Variants in SIL1 observed in about 807,000 individuals in gnomAD.
SIL1 encodes the protein nucleotide exchange factor SIL1.
SIL1 carries 40 observed loss-of-function variants against 49.1 expected under a neutral mutation model. That is an observed-to-expected ratio of 0.81 (90% CI 0.63 to 1.06). The LOEUF (loss-of-function observed/expected upper bound fraction) is 1.06, where lower values mean the gene tolerates loss of function less well. SIL1 is among the 50% of genes least tolerant of loss of function. SIL1 has a pLI of 0.00. For missense variants in SIL1, 500 were observed against 572.6 expected (o/e 0.87, Z 1.29); for synonymous variants, 253 against 250.8 (o/e 1.01, Z -0.08).
intron 7 of SIL1, among the ~76,000 whole-genome samples, chr5:138,966,949 ACTT>A (rs1258735850): frequency 6.6e-6 from 1 of 152,158 alleles, no homozygotes; most frequent in Non-Finnish European, 1.5e-5. Flanking sequence ...TCTCAATTTG[ACTT>A]CTATTATTTG....
intron 3 of SIL1, among the ~76,000 whole-genome samples, chr5:139,106,941 A>C (rs1232549015): frequency 6.6e-6 from 1 of 152,366 alleles, no homozygotes; most frequent in East Asian, 1.9e-4. Flanking sequence ...CACAATCCAC[A>C]AACATACTGC....
intron 1 of SIL1, among the ~76,000 whole-genome samples, chr5:139,195,314 T>C (rs1752245692): frequency 6.6e-6 from 1 of 152,246 alleles, no homozygotes; most frequent in African/African-American, 2.4e-5. Context: ...TGCATTCCTA[T>C]GTCCCAAGAG....
At chr5:138,998,881 A>C (rs1189146596) in intron 7 of SIL1, among the ~76,000 whole-genome samples, 80 of 90,696 alleles carry the variant, frequency 8.8e-4, no homozygotes, top group African/African-American at 3.5e-3. Flanking sequence ...TTTTTGAGAC[A>C]GTTTTGTTCT....
At chr5:139,136,470 G>A (rs1267990015) in intron 1 of SIL1, among the ~76,000 whole-genome samples, 5 of 152,274 alleles carry the variant, frequency 3.3e-5, no homozygotes, top group South Asian at 4.1e-4. Flanking sequence ...AAAGGACAGC[G>A]GACCAAGCAT....
intron 1 of SIL1, among the ~76,000 whole-genome samples, chr5:139,193,770 T>C (rs1752216943): frequency 6.6e-6 from 1 of 152,190 alleles, no homozygotes; most frequent in Non-Finnish European, 1.5e-5. Context: ...CTTTCCTGCT[T>C]TTGGCACTAA....
At chr5:139,069,573 A>AT (rs1264311865) in intron 3 of SIL1, among the ~76,000 whole-genome samples, 1 of 152,202 alleles carries the variant, frequency 6.6e-6, no homozygotes, top group Non-Finnish European at 1.5e-5. Flanking sequence ...CTAATTTCAC[A>AT]TAAAAACGAG....
intron 1 of SIL1, among the ~76,000 whole-genome samples, chr5:139,160,449 T>C (rs1751489512): frequency 6.6e-6 from 1 of 152,208 alleles, no homozygotes; most frequent in Non-Finnish European, 1.5e-5. Context: ...AGAGCCACTC[T>C]ACCAAAAAGC....
At chr5:139,134,103 C>G (rs1750923655) in intron 1 of SIL1, among the ~76,000 whole-genome samples, 1 of 152,102 alleles carries the variant, frequency 6.6e-6, no homozygotes, top group Admixed American at 6.5e-5. Flanking sequence ...AATCATCACT[C>G]CATTTTTTTA....
At chr5:139,063,735 T>G (rs192045200) in intron 3 of SIL1, among the ~76,000 whole-genome samples, 29 of 152,340 alleles carry the variant, frequency 1.9e-4, no homozygotes, top group Non-Finnish European at 3.7e-4. Context: ...TGGAGAAGAC[T>G]CTTGAGGATT....
intron 1 of SIL1, among the ~76,000 whole-genome samples, chr5:139,195,429 C>T (rs897019971): frequency 6.6e-6 from 1 of 152,182 alleles, no homozygotes; most frequent in Non-Finnish European, 1.5e-5. Flanking sequence ...CGCTCTGTCG[C>T]CCAGGCTGGA....
chr5:138,949,875 C>T (rs914237907), intron 9 of SIL1, among the ~76,000 whole-genome samples: 6 of 151,912 alleles, frequency 3.9e-5, no homozygotes, highest in African/African-American at 1.5e-4. Flanking sequence ...GAAGCCCTGA[C>T]TGCCTCAGCC....
chr5:139,042,307 C>G (rs1029218178), intron 5 of SIL1, among the ~76,000 whole-genome samples: 2 of 152,152 alleles, frequency 1.3e-5, no homozygotes, highest in African/African-American at 2.4e-5. Context: ...TCTACTCACT[C>G]CACTCAGGCC....
intron 5 of SIL1, among the ~76,000 whole-genome samples, chr5:139,041,822 A>G (rs145726180): frequency 1.3e-5 from 2 of 151,492 alleles, no homozygotes; most frequent in Non-Finnish European, 2.9e-5. Flanking sequence ...CAAAAACAAA[A>G]AAAAAAAAAA....
Position 139,121,088 on chromosome 5 carries a change from G to A in SIL1, c.191C>T (p.Ala64Val), listed in dbSNP as rs777387984. 66 of 1,614,174 alleles carry A rather than the reference G, an allele frequency of 4.1e-5. No homozygotes were observed. The South Asian group carries it at 7.0e-4, about 17-fold the overall frequency. The change falls in exon 3 of 10, where the codon GCC (alanine) becomes GTC (valine). Residue 64 changes from alanine (A) to valine (V), a missense_variant. Physicochemically the swap from Ala to Val is moderately conservative, Grantham distance 64 (BLOSUM62 0). Transcript: ENST00000394817. ...CGGGTGGAACACCTCCAGGACTTCG[G>A]CATCCAGCTCCTCCTCGGCTTTGGT... ...KETKAEEELDAEVLEVFHPTH... is the reference protein window; with the variant it reads ...KETKAEEELDVEVLEVFHPTH...
chr5:139,133,079 C>G (rs1434412226), intron 1 of SIL1, among the ~76,000 whole-genome samples: 1 of 151,140 alleles, frequency 6.6e-6, no homozygotes, highest in Non-Finnish European at 1.5e-5. Flanking sequence ...AAAAAAAATC[C>G]TTCTCATCAT....
At chr5:139,196,892 T>C (rs1044883163) in intron 1 of SIL1, among the ~76,000 whole-genome samples, 2 of 151,870 alleles carry the variant, frequency 1.3e-5, no homozygotes, top group Non-Finnish European at 2.9e-5. Flanking sequence ...TATACTTTTA[T>C]CAGAAAAGAA....
chr5:139,082,369 C>T (rs1770099731), intron 3 of SIL1, among the ~76,000 whole-genome samples: 1 of 152,184 alleles, frequency 6.6e-6, no homozygotes, highest in Non-Finnish European at 1.5e-5. Flanking sequence ...CTGAGTCTGA[C>T]AGCACCTCAG....
intron 3 of SIL1, among the ~76,000 whole-genome samples, chr5:139,107,498 T>A (rs1467889412): frequency 1.3e-3 from 193 of 152,306 alleles, no homozygotes; most frequent in Non-Finnish European, 2.3e-3. Flanking sequence ...AACTAAGAAA[T>A]TATACAACAG....
chr5:139,181,024 T>C (rs1254869141), intron 1 of SIL1, among the ~76,000 whole-genome samples: 1 of 152,246 alleles, frequency 6.6e-6, no homozygotes, highest in Non-Finnish European at 1.5e-5. Flanking sequence ...TTTCAGGATC[T>C]GCCTCTTATC....
Sources: gnomAD v4.1 joint callset for allele counts (sites outside exome capture counted in the v4.1 genomes callset) on GRCh38, gnomAD v4.1.1 for gene constraint, MANE v1.5 for transcripts, NCBI Gene and HGNC (gene_info 2026-07-23, HGNC 2026-07-21) for gene names.